CNTN5: variants seen among roughly 807,000 people sequenced by gnomAD.
CNTN5 encodes the protein contactin-5.
CNTN5 carries 77 observed loss-of-function variants against 129.1 expected under a neutral mutation model. The ratio of observed to expected loss-of-function variants is 0.60; its 90% CI spans 0.50 to 0.72. CNTN5 has a LOEUF of 0.72. Among genes scored for constraint, CNTN5 ranks in the 30% least tolerant of loss-of-function variants. The pLI, the probability that CNTN5 is intolerant of heterozygous loss-of-function variation, is 0.00. For missense variants in CNTN5, 1,478 were observed against 1,328.8 expected (o/e 1.11, Z -1.75); for synonymous variants, 509 against 465.6 (o/e 1.09, Z -1.20).
chr11:100,061,753 G>A (rs1487194241), intron 10 of CNTN5, among the ~76,000 whole-genome samples: 1 of 152,080 alleles, frequency 6.6e-6, no homozygotes, highest in Non-Finnish European at 1.5e-5. Context: ...GTCCATCAAC[G>A]AGATCCTGCC....
chr11:99,572,819 A>G (rs943448729), intron 3 of CNTN5, among the ~76,000 whole-genome samples: 1 of 152,134 alleles, frequency 6.6e-6, no homozygotes, highest in African/African-American at 2.4e-5. Flanking sequence ...GGGTAGAAGA[A>G]TTGAGAATGG....
At chr11:99,665,219 CT>C (rs1481357294) in intron 3 of CNTN5, among the ~76,000 whole-genome samples, 3 of 152,112 alleles carry the variant, frequency 2.0e-5, no homozygotes, top group African/African-American at 7.2e-5. Context: ...ACTTGCCTTA[CT>C]GTATTCTAGC....
intron 17 of CNTN5, among the ~76,000 whole-genome samples, chr11:100,260,480 G>A (rs1196643872): frequency 6.6e-6 from 1 of 152,154 alleles, no homozygotes; most frequent in Non-Finnish European, 1.5e-5. Flanking sequence ...AAACCTGACA[G>A]AGGCACAACA....
chr11:99,413,591 C>T (rs1048167407), intron 2 of CNTN5, among the ~76,000 whole-genome samples: 4 of 151,220 alleles, frequency 2.6e-5, no homozygotes, highest in South Asian at 2.1e-4. Flanking sequence ...TTCACTCCAA[C>T]GTGGGCAACA....
At chr11:99,552,214 T>TG (rs1948512056) in intron 2 of CNTN5, among the ~76,000 whole-genome samples, 2 of 146,224 alleles carry the variant, frequency 1.4e-5, no homozygotes, top group South Asian at 4.4e-4. Flanking sequence ...TCAGTTTTTG[T>TG]GTTTTTTTTT....
At chr11:100,021,490 C>A (rs2137566129) in intron 9 of CNTN5, among the ~76,000 whole-genome samples, 1 of 152,254 alleles carries the variant, frequency 6.6e-6, no homozygotes, top group South Asian at 2.1e-4. Flanking sequence ...TTTTGAATCT[C>A]TATTATATAG....
chr11:99,079,431 A>G (rs1865706592), intron 1 of CNTN5, among the ~76,000 whole-genome samples: 1 of 152,196 alleles, frequency 6.6e-6, no homozygotes, highest in Admixed American at 6.5e-5. Flanking sequence ...AGTAGCATGT[A>G]ATGACCATGA....
intron 2 of CNTN5, among the ~76,000 whole-genome samples, chr11:99,467,577 A>T (rs998347295): frequency 6.6e-6 from 1 of 151,960 alleles, no homozygotes. Context: ...TCTTGCCCCA[A>T]TATTAGTCTT....
chr11:99,267,265 C>T lies in CNTN5; in HGVS notation c.-209-58081C>T, dbSNP rs570504880. Among the ~76,000 whole-genome samples the T allele has an allele frequency of 1.1e-4, 16 of 152,046 alleles. No individual in the cohort carries two copies. In the South Asian group the frequency reaches 3.3e-3, roughly 32 times the overall value. On this transcript the variant is annotated intron_variant, in intron 1 of 24. Transcript: ENST00000524871. ...AGAAAATGCAAACTTCCAACTAGTT[C>T]TAACAATGAAATAACCACGTGAGTT...
At chr11:99,216,796 T>C (rs1860145724) in intron 1 of CNTN5, among the ~76,000 whole-genome samples, 1 of 151,696 alleles carries the variant, frequency 6.6e-6, no homozygotes, top group Non-Finnish European at 1.5e-5. Context: ...AGAGAAAGCT[T>C]CAGTTCAGGA....
chr11:100,269,915 T>C (rs1323608030), intron 17 of CNTN5, among the ~76,000 whole-genome samples: 3 of 152,152 alleles, frequency 2.0e-5, no homozygotes, highest in African/African-American at 7.2e-5. Context: ...GATCTGGGAA[T>C]GCCTTCTTCT....
chr11:100,250,741 G>T (rs542204525), intron 16 of CNTN5, among the ~76,000 whole-genome samples: 1 of 152,140 alleles, frequency 6.6e-6, no homozygotes, highest in African/African-American at 2.4e-5. Context: ...TATATCTTTT[G>T]TTCCAGCTGA....
intron 1 of CNTN5, among the ~76,000 whole-genome samples, chr11:99,145,531 A>G (rs1376237977): frequency 6.6e-6 from 1 of 152,164 alleles, no homozygotes; most frequent in African/African-American, 2.4e-5. Flanking sequence ...ATTTGTCTTC[A>G]TTAAAATTAA....
At chr11:99,735,937 C>T (rs1054528036) in intron 3 of CNTN5, among the ~76,000 whole-genome samples, 17 of 152,100 alleles carry the variant, frequency 1.1e-4, no homozygotes, top group African/African-American at 4.1e-4. Context: ...CTCATTCATC[C>T]TCCCCCAGCC....
At chr11:99,995,086 C>T (rs756133034) in intron 8 of CNTN5, among the ~76,000 whole-genome samples, 6 of 152,146 alleles carry the variant, frequency 3.9e-5, no homozygotes, top group East Asian at 3.9e-4. Context: ...TTATCAGGCT[C>T]TTGATGTGCA....
chr11:99,116,229 C>A (rs957146660), intron 1 of CNTN5, among the ~76,000 whole-genome samples: 8 of 152,076 alleles, frequency 5.3e-5, no homozygotes, highest in African/African-American at 1.9e-4. Context: ...ACTTGCATTT[C>A]TTTTTAGTGA....
chr11:99,610,956 G>C lies in CNTN5; in HGVS notation c.55+54687G>C, dbSNP rs557122252. Among the ~76,000 whole-genome samples, 11 of 152,236 alleles carry C rather than the reference G, an allele frequency of 7.2e-5. 1 individual carries two copies. In the South Asian group the frequency reaches 2.1e-3, roughly 29 times the overall value. ...CACACAATCCTAAGTACCCAAGTAC[G>C]CGTGCACACCAAAGCAAATCATTGA... On this transcript the variant is annotated intron_variant, in intron 3 of 24. Coordinates refer to ENST00000524871, the MANE Select transcript of CNTN5 (RefSeq NM_014361.4).
At chr11:99,996,574 A>G (rs1458737247) in intron 8 of CNTN5, among the ~76,000 whole-genome samples, 4 of 152,060 alleles carry the variant, frequency 2.6e-5, no homozygotes. Flanking sequence ...ACTCTCTCCT[A>G]TCTTTTTTCC....
chr11:100,158,917 C>T (rs907264809), intron 13 of CNTN5, among the ~76,000 whole-genome samples: 10 of 151,830 alleles, frequency 6.6e-5, no homozygotes, highest in South Asian at 2.1e-4. Context: ...AAACCACCCA[C>T]GTGTCCATCA....
Sources: allele counts gnomAD v4.1 joint callset (sites outside exome capture counted in the v4.1 genomes callset), GRCh38; gene constraint gnomAD v4.1.1; transcripts MANE v1.5; gene names NCBI Gene and HGNC (gene_info 2026-07-23, HGNC 2026-07-21).